SLK: variants seen among roughly 807,000 people sequenced by gnomAD.
SLK encodes the protein STE20 like kinase, also known as STE20-like serine/threonine-protein kinase.
Under a neutral mutation model 147.7 loss-of-function variants are expected in SLK, and 67 were observed. The observed-to-expected ratio is 0.45, with a 90% CI of 0.37 to 0.56. The LOEUF (loss-of-function observed/expected upper bound fraction) is 0.56, where lower values mean the gene tolerates loss of function less well. Ranked by LOEUF, SLK falls within the 20% of genes least tolerant of loss-of-function variation. The probability of loss-of-function intolerance (pLI) is 0.00; values close to 1 mark genes in which losing one functional copy is unlikely to be tolerated. For synonymous variants in SLK, 441 were observed against 475.0 expected, an observed-to-expected ratio of 0.93 and a Z score of 0.93; for missense variants, 1,136 against 1,438.8, an observed-to-expected ratio of 0.79 and a Z score of 3.41.
In SLK at chr10:104,003,334, G is replaced by T. The variant is rs758899090; in HGVS notation, c.2156G>T (p.Ser719Ile). 6 of 1,613,888 alleles carry T rather than the reference G, an allele frequency of 3.7e-6. No individual in the cohort carries two copies. Among genetic ancestry groups the T allele is most frequent in the Middle Eastern group, 1.6e-4 (1 of 6,062 alleles). ...CCCAGTATTAATATCAACTCTGACA[G>T]TGGAGAAAATAAAGAAGAAATAGGT... ...LIPSININSDSGENKEEIGSL... is the reference protein window; with the variant it reads ...LIPSININSDIGENKEEIGSL... Residue 719 changes from serine (S) to isoleucine (I), a missense_variant, in exon 9 of 19, where the codon AGT (serine) becomes ATT (isoleucine). Physicochemically the swap from Ser to Ile is moderately radical, Grantham distance 142. Transcript: ENST00000369755.
At chr10:103,983,541 T>C (rs1843973210) in intron 1 of SLK, among the ~76,000 whole-genome samples, 1 of 152,216 alleles carries the variant, frequency 6.6e-6, no homozygotes, top group African/African-American at 2.4e-5. Flanking sequence ...AGCTCATTTC[T>C]GTTTCAAAAG....
chr10:104,002,118 T>G (rs987501698), intron 8 of SLK, 54 bp from the exon 9 acceptor site: 1 of 1,324,940 alleles, frequency 7.5e-7, no homozygotes, highest in Admixed American at 2.3e-5. Context: ...AAACATTGTT[T>G]TGGTCACTCT....
At chr10:104,006,103 C>CA in intron 11 of SLK, 68 bp downstream of exon 11, 2 of 1,458,732 alleles carry the variant, frequency 1.4e-6, no homozygotes, top group African/African-American at 1.5e-5. Context: ...GCATTAAAAA[C>CA]AGACAAACAA....
In SLK at chr10:103,967,634, A is replaced by G; in HGVS notation, c.-112A>G. 1.1e-6 allele frequency: 1 copy of G among 906,084 alleles called. No homozygotes were observed. 56.1% of individuals were successfully genotyped at this position (906,084 alleles called of 1,614,324 possible). ...CGGCCGGAGCTGCGGGGGCCGAGGG[A>G]CGCCGCGCCCGCCGCCGCCAGCCGG... On this transcript the variant is annotated 5_prime_UTR_variant, in exon 1 of 19. Transcript: ENST00000369755.
chr10:103,974,332 C>A (rs1211959879), intron 1 of SLK, among the ~76,000 whole-genome samples: 1 of 151,810 alleles, frequency 6.6e-6, no homozygotes, highest in Non-Finnish European at 1.5e-5. Flanking sequence ...TTCATCTTGG[C>A]CGGGCGCGGT....
chr10:104,000,823 C>T (rs909399296), intron 7 of SLK, among the ~76,000 whole-genome samples: 4 of 151,732 alleles, frequency 2.6e-5, no homozygotes, highest in Admixed American at 6.6e-5. Context: ...TTTGGGAGGC[C>T]GAGGCGGGTG....
At chr10:103,992,161 T>TTTTTTTTTTTAA (rs1366935678) in intron 2 of SLK, among the ~76,000 whole-genome samples, 1 of 130,766 alleles carries the variant, frequency 7.6e-6, no homozygotes, top group East Asian at 2.1e-4. Flanking sequence ...TTTTTTTTTC[T>TTTTTTTTTTTAA]AAAAGAAGTC....
intron 13 of SLK, among the ~76,000 whole-genome samples, chr10:104,015,635 A>G (rs1844453360): frequency 6.6e-6 from 1 of 152,224 alleles, no homozygotes; most frequent in South Asian, 2.1e-4. Context: ...TCTAAGTAGT[A>G]TAGTGTCCAC....
Position 104,018,278 on chromosome 10 carries a change from A to T in SLK, c.2996A>T (p.Gln999Leu). 6.3e-7 allele frequency: 1 copy of T among 1,596,876 alleles called. No individual in the cohort carries two copies. Among genetic ancestry groups the T allele is most frequent in the Admixed American group, 1.9e-5 (1 of 53,826 alleles). The part of the protein sequence containing the change: ...IERECLNNKQ[Q>L]LMRAREAAIW... ...AGAGAGTGCCTGAATAACAAGCAAC[A>T]GCTCATGAGAGGTAATTTTTTTAAA... The change falls in exon 14 of 19, where the codon CAG becomes CTG. Residue 999 changes from glutamine (Q) to leucine (L), a missense_variant. Physicochemically the swap from Gln to Leu is moderately radical, Grantham distance 113. Coordinates refer to ENST00000369755, the MANE Select transcript of SLK (RefSeq NM_014720.4).
chr10:104,022,772 T>C (rs1460424684), intron 18 of SLK, among the ~76,000 whole-genome samples: 2 of 152,356 alleles, frequency 1.3e-5, no homozygotes, highest in Non-Finnish European at 2.9e-5. Flanking sequence ...CACACCTGGC[T>C]AATTTTTGTA....
At position 103,995,368 on chromosome 10, in the gene SLK, G is replaced by A. The variant is rs572482406; in HGVS notation, c.514+2235G>A. On this transcript the variant is annotated intron_variant, in intron 4 of 18. Transcript: ENST00000369755. Reference sequence around the variant, plus strand: ...TCTGAGATGTTTCAGGCTCATCTGTGTATTTCCTGTGTCAGACCTGTAATT... The same window carrying A: ...TCTGAGATGTTTCAGGCTCATCTGTATATTTCCTGTGTCAGACCTGTAATT... 2.8e-5 allele frequency among the ~76,000 whole-genome samples: 4 copies of A among 144,324 alleles called. No individual in the cohort carries two copies. In the South Asian group the frequency reaches 6.6e-4, roughly 24 times the overall value. 94.7% of individuals were successfully genotyped at this position (144,324 alleles called of 152,430 possible). A position where few individuals can be genotyped will look rare whatever the true frequency, so the allele number is the denominator to read the frequency against.
chr10:104,020,407 T>C, intron 16 of SLK, 81 bp from the exon 17 acceptor site: 1 of 1,370,300 alleles, frequency 7.3e-7, no homozygotes, highest in East Asian at 2.4e-5. Flanking sequence ...TGCCTTGTTT[T>C]GTTAAATTCC....
At chr10:104,007,472 A>T (rs1460603894) in intron 11 of SLK, among the ~76,000 whole-genome samples, 13 of 151,960 alleles carry the variant, frequency 8.6e-5, no homozygotes, top group Non-Finnish European at 1.5e-5. Context: ...GCTAGGCAGG[A>T]TGTCACATGC....
intron 4 of SLK, among the ~76,000 whole-genome samples, chr10:103,993,496 TTTTC>T (rs1308064317): frequency 1.3e-5 from 2 of 152,174 alleles, no homozygotes; most frequent in Admixed American, 6.5e-5. Flanking sequence ...TAACTCAGTT[TTTTC>T]TTTATTTCCA....
chr10:104,020,784 C>T (rs1312835409), intron 17 of SLK, among the ~76,000 whole-genome samples, 171 bp downstream of exon 17: 3 of 152,286 alleles, frequency 2.0e-5, no homozygotes, highest in Non-Finnish European at 4.4e-5. Flanking sequence ...GTATCATAGG[C>T]ACTTGTGTAG....
chr10:104,000,931 T>C lies in SLK; in HGVS notation c.865-513T>C, dbSNP rs1020186633. Among the ~76,000 whole-genome samples, 3 of 151,838 alleles carry C rather than the reference T, an allele frequency of 2.0e-5. No homozygotes were observed. The South Asian group carries it at 6.2e-4, about 31-fold the overall frequency. ...AAAATCAGCCGGGCATGGTGGCACATGCCTGTAATCTTAGCTACTCGGGAG... is the reference window on the plus strand; with the variant it reads ...AAAATCAGCCGGGCATGGTGGCACACGCCTGTAATCTTAGCTACTCGGGAG... On this transcript the variant is annotated intron_variant, in intron 7 of 18. Transcript: ENST00000369755.
At chr10:103,985,889 T>A (rs2476961) in intron 1 of SLK, among the ~76,000 whole-genome samples, 32,460 of 152,058 alleles carry the variant, frequency 0.21, 3,835 homozygotes, top group African/African-American at 0.32. Context: ...AGTATGGAAC[T>A]TTCAGACAAC....
In SLK at chr10:104,002,608, AG is replaced by A; in HGVS notation, c.1431del (p.Lys477AsnfsTer10). On this transcript the variant is annotated frameshift_variant, in exon 9 of 19. Coordinates refer to ENST00000369755, the MANE Select transcript of SLK (RefSeq NM_014720.4). LOFTEE classifies it high-confidence loss of function. ...LKSEEEKDQE[K>X]QQMFENKLIK... ...TCTGAGGAAGAAAAGGATCAGGAAA[AG>A]CAACAGATGTTTGAAAATAAGCTTA... 6.2e-7 allele frequency: 1 copy of A among 1,607,072 alleles called. No individual in the cohort carries two copies. Among genetic ancestry groups the A allele is most frequent in the Non-Finnish European group, 8.5e-7 (1 of 1,176,074 alleles).
chr10:104,005,107 C>A (rs1312909624), intron 9 of SLK, among the ~76,000 whole-genome samples: 1 of 151,740 alleles, frequency 6.6e-6, no homozygotes, highest in Non-Finnish European at 1.5e-5. Flanking sequence ...ACCCTCAGAC[C>A]TGTCAATTTA....
Sources: gnomAD v4.1 joint callset for allele counts (sites outside exome capture counted in the v4.1 genomes callset) on GRCh38, gnomAD v4.1.1 for gene constraint, MANE v1.5 for transcripts, NCBI Gene and HGNC (gene_info 2026-07-23, HGNC 2026-07-21) for gene names.